The following GLT1D1 variants were observed in gnomAD, a reference collection of about 807,000 sequenced individuals.
GLT1D1 encodes the protein glycosyltransferase 1 domain containing 1.
GLT1D1 carries 21 observed loss-of-function variants against 28.7 expected under a neutral mutation model. The ratio of observed to expected loss-of-function variants is 0.73; its 90% CI spans 0.52 to 1.05. GLT1D1 has a LOEUF of 1.05. Ranked by LOEUF, GLT1D1 falls within the 50% of genes least tolerant of loss-of-function variation. The pLI, the probability that GLT1D1 is intolerant of heterozygous loss-of-function variation, is 0.00. For missense variants in GLT1D1, 343 were observed against 330.6 expected (o/e 1.04, Z -0.29); for synonymous variants, 147 against 124.8 (o/e 1.18, Z -1.19).
chr12:128,957,444 C>A, intron 6 of GLT1D1, 101 bp from the exon 11 acceptor site: 1 of 698,914 alleles, frequency 1.4e-6, no homozygotes. Context: ...TGCCAGAGGT[C>A]CAGTTAACCC....
At chr12:128,883,488 C>T (rs973433344) in intron 2 of GLT1D1, among the ~76,000 whole-genome samples, 2 of 150,762 alleles carry the variant, frequency 1.3e-5, no homozygotes, top group African/African-American at 4.9e-5. Context: ...TACTCGGGAG[C>T]CTGAGGCAGG....
chr12:128,931,917 G>GCACGCGCACACACACACACA (rs1368012620), intron 4 of GLT1D1, among the ~76,000 whole-genome samples: 12,642 of 141,004 alleles, frequency 0.09, 651 homozygotes, highest in Middle Eastern at 0.16. Context: ...ACACACGCAC[G>GCACGCGCACACACACACACA]CACACACACA....
At chr12:128,908,717 A>G (rs1007614320) in intron 4 of GLT1D1, among the ~76,000 whole-genome samples, 16 of 151,924 alleles carry the variant, frequency 1.1e-4, no homozygotes, top group African/African-American at 3.9e-4. Context: ...TGGGAGGCCG[A>G]GGAGGGCGGA....
At chr12:128,867,265 T>A (rs1193447942) in intron 1 of GLT1D1, among the ~76,000 whole-genome samples, 3 of 151,446 alleles carry the variant, frequency 2.0e-5, no homozygotes, top group Non-Finnish European at 2.9e-5. Flanking sequence ...TGGTGGCGAA[T>A]GCCTGTAATC....
chr12:128,908,046 T>A (rs1871064077), intron 4 of GLT1D1, among the ~76,000 whole-genome samples: 1 of 152,228 alleles, frequency 6.6e-6, no homozygotes, highest in Non-Finnish European at 1.5e-5. Flanking sequence ...CTCATCCTTT[T>A]ATTTTGTGAA....
At chr12:128,929,794 C>G (rs910786397) in intron 4 of GLT1D1, among the ~76,000 whole-genome samples, 4 of 152,104 alleles carry the variant, frequency 2.6e-5, no homozygotes, top group Non-Finnish European at 5.9e-5. Context: ...AACCCCGTCT[C>G]TACTAAAAGT....
intron 3 of GLT1D1, among the ~76,000 whole-genome samples, chr12:128,890,082 G>T (rs1868865198): frequency 6.6e-6 from 1 of 152,154 alleles, no homozygotes; most frequent in Admixed American, 6.6e-5. Flanking sequence ...CCTGAAATGG[G>T]CCAGTTTTCT....
chr12:128,908,323 C>CTTCTTTCTTTCTTTCCTTTCTTTCTTTCT (rs1871101413), intron 4 of GLT1D1, among the ~76,000 whole-genome samples: 10 of 147,558 alleles, frequency 6.8e-5, no homozygotes, highest in African/African-American at 2.5e-4. Context: ...TTTTACTTTC[C>CTTCTTTCTTTCTTTCCTTTCTTTCTTTCT]TTCTTTCTTT....
rs1436762502 is a variant in GLT1D1, at chr12:128,947,285, C to T, written c.420-53C>T. The T allele has an allele frequency of 3.1e-6, 5 of 1,610,812 alleles. No homozygotes were observed. The East Asian group carries it at 1.1e-4, about 36-fold the overall frequency. On this transcript the variant is annotated intron_variant, in intron 5 of 7. Transcript: ENST00000281703. ...TTGTCATCTCTCCTCCTCCCAGCTG[C>T]CTACCCATGAGATTCTTGGAATCAG... is the stretch of plus-strand genomic sequence containing the variant.
At chr12:128,916,448 G>A (rs536083992) in intron 4 of GLT1D1, among the ~76,000 whole-genome samples, 39 of 152,244 alleles carry the variant, frequency 2.6e-4, no homozygotes, top group African/African-American at 9.4e-4. Flanking sequence ...GTTCTCCAAG[G>A]TGTGCCATCT....
At chr12:128,923,340 A>G (rs1336514599) in intron 4 of GLT1D1, among the ~76,000 whole-genome samples, 1 of 152,200 alleles carries the variant, frequency 6.6e-6, no homozygotes, top group African/African-American at 2.4e-5. Flanking sequence ...AAAATATATT[A>G]GCAATTTCTA....
chr12:128,959,239 C>T (rs1055562310), intron 7 of GLT1D1, among the ~76,000 whole-genome samples: 4 of 151,592 alleles, frequency 2.6e-5, no homozygotes, highest in Non-Finnish European at 5.9e-5. Flanking sequence ...AAACTAAAAA[C>T]TCAAATACTT....
rs1236297249 is a variant in GLT1D1, at chr12:128,939,847, AC to A, written c.376-5477del. Among the ~76,000 whole-genome samples, 85 of 117,544 alleles carry A rather than the reference AC, an allele frequency of 7.2e-4. 7 individuals carry two copies. The highest frequency in any genetic ancestry group is 3.1e-3 in the African/African-American group (84 of 27,526). 77.1% of individuals were successfully genotyped at this position (117,544 alleles called of 152,430 possible). A position where few individuals can be genotyped will look rare whatever the true frequency, so the allele number is the denominator to read the frequency against. On this transcript the variant is annotated intron_variant, in intron 4 of 7. Transcript: ENST00000281703. ...GCCAAATTGTTAGAAACCCCCCCCC[AC>A]CGCCGATCCAATCACCTCCTACCAG...
In GLT1D1 at chr12:128,976,120, A is replaced by G. The variant is rs112653429; in HGVS notation, c.640-6809A>G. The stretch of plus-strand genomic sequence containing the variant: ...ACAGTCAGATGCACGTTCCTCTTCT[A>G]GGCATTGAGGTCTTGAAGGAGGAGC... On this transcript the variant is annotated intron_variant, in intron 7 of 7. Transcript: ENST00000281703. Among the ~76,000 whole-genome samples, 106 of 152,368 alleles carry G rather than the reference A, an allele frequency of 7.0e-4. 1 individual carries two copies. The highest frequency in any genetic ancestry group is 2.5e-3 in the African/African-American group (103 of 41,592).
chr12:128,944,597 C>T, intron 4 of GLT1D1: 1 of 743,504 alleles, frequency 1.3e-6, no homozygotes, highest in Non-Finnish European at 2.5e-6. Context: ...TTAATGACCT[C>T]AAAGGACATA....
chr12:128,957,704 T>G (rs1446961152), intron 7 of GLT1D1, 61 bp downstream of exon 11: 25 of 1,073,070 alleles, frequency 2.3e-5, no homozygotes, highest in Non-Finnish European at 3.4e-5. Flanking sequence ...CCTCTATGTT[T>G]AATGGAGAGA....
intron 2 of GLT1D1, among the ~76,000 whole-genome samples, chr12:128,881,842 T>C (rs933917325): frequency 2.0e-5 from 3 of 151,740 alleles, no homozygotes; most frequent in Middle Eastern, 3.2e-3. Flanking sequence ...ATGTTAGAAA[T>C]AGATGGTCTA....
chr12:128,872,838 C>T (rs11059990), intron 1 of GLT1D1, among the ~76,000 whole-genome samples: 2 of 152,106 alleles, frequency 1.3e-5, no homozygotes, highest in African/African-American at 4.8e-5. Flanking sequence ...TACAAAAGCT[C>T]GTGTGTCTCT....
chr12:128,873,935 TTTTC>T lies in GLT1D1; in HGVS notation c.69-1966_69-1963del, dbSNP rs1433504604. On this transcript the variant is annotated intron_variant, in intron 1 of 7. Coordinates refer to ENST00000281703, the MANE Select transcript of GLT1D1 (RefSeq NM_144669.3). ...TCTCTCTTTCTTTTTCTTTCTTTCT[TTTTC>T]TTTCTTTCTTTCCTTCTGTTTCTGT... Among the ~76,000 whole-genome samples the T allele has an allele frequency of 1.4e-4, 19 of 140,328 alleles. No homozygotes were observed. The East Asian group carries it at 2.0e-3, about 15-fold the overall frequency. 92.1% of individuals were successfully genotyped at this position (140,328 alleles called of 152,430 possible).
Sources: gnomAD v4.1 joint callset for allele counts (sites outside exome capture counted in the v4.1 genomes callset) on GRCh38, gnomAD v4.1.1 for gene constraint, MANE v1.5 for transcripts, NCBI Gene and HGNC (gene_info 2026-07-23, HGNC 2026-07-21) for gene names.